Variants in MYO5A observed in about 807,000 individuals in gnomAD.
MYO5A encodes the protein myosin VA, also known as unconventional myosin-Va.
In MYO5A, 98 loss-of-function variants were observed where a neutral mutation model predicts 249.7. That is an observed-to-expected ratio of 0.39 (90% CI 0.33 to 0.46). The LOEUF (loss-of-function observed/expected upper bound fraction) is 0.46, where lower values mean the gene tolerates loss of function less well. Among genes scored for constraint, MYO5A ranks in the 20% least tolerant of loss-of-function variants. The pLI, the probability that MYO5A is intolerant of heterozygous loss-of-function variation, is 0.98. For synonymous variants in MYO5A, 778 were observed against 810.6 expected (o/e 0.96, Z 0.68); for missense variants, 1,696 against 2,308.8 (o/e 0.73, Z 5.44).
chr15:52,330,563 A>G (rs746031774), intron 34 of MYO5A, 64 bp from the exon 35 acceptor site: 95 of 1,586,296 alleles, frequency 6.0e-5, no homozygotes, highest in Non-Finnish European at 7.9e-5. Context: ...GAGGTCTCCA[A>G]GTTCCTATAA....
intron 22 of MYO5A, among the ~76,000 whole-genome samples, chr15:52,369,360 C>T (rs183769392): frequency 7.2e-5 from 11 of 152,272 alleles, no homozygotes; most frequent in African/African-American, 2.6e-4. Context: ...CTCTGAAAAT[C>T]GATTACTTTT....
intron 6 of MYO5A, among the ~76,000 whole-genome samples, chr15:52,409,337 T>A (rs186734179): frequency 3.9e-4 from 59 of 152,256 alleles, no homozygotes; most frequent in African/African-American, 1.4e-3. Context: ...CTTCTGGTTA[T>A]CAAAGTAGAC....
intron 1 of MYO5A, among the ~76,000 whole-genome samples, chr15:52,459,745 C>T (rs1034737608): frequency 1.3e-5 from 2 of 151,634 alleles, no homozygotes; most frequent in African/African-American, 2.4e-5. Context: ...AAGGGGCTGC[C>T]GGGCAGAGGG....
At chr15:52,498,161 ATTAT>A (rs985053689) in intron 1 of MYO5A, among the ~76,000 whole-genome samples, 33 of 152,298 alleles carry the variant, frequency 2.2e-4, no homozygotes, top group African/African-American at 7.0e-4. Flanking sequence ...CCAAAAATTA[ATTAT>A]TTAAGAAGAC....
intron 5 of MYO5A, among the ~76,000 whole-genome samples, chr15:52,411,233 T>C (rs897861886): frequency 1.3e-5 from 2 of 152,240 alleles, no homozygotes; most frequent in Non-Finnish European, 2.9e-5. Flanking sequence ...AATGCTGCTC[T>C]GGTGTTCAGG....
At chr15:52,357,224 T>G (rs1167492895) in intron 25 of MYO5A, among the ~76,000 whole-genome samples, 1 of 152,132 alleles carries the variant, frequency 6.6e-6, no homozygotes, top group African/African-American at 2.4e-5. Flanking sequence ...ATTATATATT[T>G]TAATGTTTGT....
intron 9 of MYO5A, 21 bp from the exon 10 acceptor site, chr15:52,397,487 A>G (rs767489423): frequency 5.6e-6 from 9 of 1,611,878 alleles, no homozygotes; most frequent in Non-Finnish European, 7.6e-6. Context: ...ATAATGAGTT[A>G]TTTCCTATGA....
Position 52,317,054 on chromosome 15 carries a change from A to C in MYO5A, c.5403T>G (p.Thr1801=). The C allele has an allele frequency of 6.2e-7, 1 of 1,613,858 alleles. No individual in the cohort carries two copies. The highest frequency in any genetic ancestry group is 8.5e-7 in the Non-Finnish European group (1 of 1,179,736). Reference sequence around the variant, plus strand: ...ACAGGGAAAGTTGCTCTACCTGGGCAGTAGTTAAAGCATTGCACATAGAAC... The same window carrying C: ...ACAGGGAAAGTTGCTCTACCTGGGCCGTAGTTAAAGCATTGCACATAGAAC... The part of the protein sequence containing the change: ...AICSMCNALT[T]AQIVKVLNLY... Residue 1801 remains threonine, a synonymous_variant, in exon 40 of 42, where the codon ACT becomes ACG. Transcript: ENST00000399233.
chr15:52,459,755 G>T (rs2076201158), intron 1 of MYO5A, among the ~76,000 whole-genome samples: 1 of 150,126 alleles, frequency 6.7e-6, no homozygotes, highest in Admixed American at 6.6e-5. Flanking sequence ...CGGGCAGAGG[G>T]GCCCCCCACC....
rs1005850387 is a variant in MYO5A, at chr15:52,340,328, C to T, written c.4107G>A (p.Gly1369=). 4 of 1,613,980 alleles carry T rather than the reference C, an allele frequency of 2.5e-6. No individual in the cohort carries two copies. In the Admixed American group the frequency reaches 6.7e-5, roughly 27 times the overall value. ...TCTCCTCCTTCAGGCTCTGGATCTCCCCACGGAGGGCCTCGGCCTCATTCT... is the reference window on the plus strand; with the variant it reads ...TCTCCTCCTTCAGGCTCTGGATCTCTCCACGGAGGGCCTCGGCCTCATTCT... ...SHENEAEALR[G]EIQSLKEENN... The change falls in exon 32 of 42, where the codon GGG becomes GGA. Residue 1369 remains glycine, a synonymous_variant. Transcript: ENST00000399233.
rs148735188 is a variant in MYO5A, at chr15:52,514,056, T to G, written c.27+14724A>C. Among the ~76,000 whole-genome samples, 269 of 152,346 alleles carry G rather than the reference T, an allele frequency of 1.8e-3. 1 individual carries two copies. The Middle Eastern group carries it at 0.027, about 15-fold the overall frequency. On this transcript the variant is annotated intron_variant, in intron 1 of 41. Transcript: ENST00000399233. The stretch of plus-strand genomic sequence containing the variant: ...AGAGGGGAAGCACATGAAGAGTTAC[T>G]GATAAATAAATAAGATGATTTGAAT...
At chr15:52,400,956 T>TTAGA (rs2042726093) in intron 9 of MYO5A, among the ~76,000 whole-genome samples, 1 of 152,234 alleles carries the variant, frequency 6.6e-6, no homozygotes, top group Non-Finnish European at 1.5e-5. Context: ...CTTAGTTCAT[T>TTAGA]TCTTCTTGCA....
intron 4 of MYO5A, among the ~76,000 whole-genome samples, chr15:52,418,359 T>C (rs1259484772): frequency 6.6e-6 from 1 of 152,092 alleles, no homozygotes; most frequent in Non-Finnish European, 1.5e-5. Flanking sequence ...AACAAACACA[T>C]AATAAGCAGC....
chr15:52,404,232 A>G (rs1724618), intron 9 of MYO5A, among the ~76,000 whole-genome samples: 134,477 of 147,386 alleles, frequency 0.91, 62,480 homozygotes, highest in Non-Finnish European at 1. Flanking sequence ...ATGCCTTTGC[A>G]CTCCAGCCTG....
chr15:52,504,193 C>T (rs1450181626), intron 1 of MYO5A, among the ~76,000 whole-genome samples: 2 of 151,928 alleles, frequency 1.3e-5, no homozygotes, highest in Non-Finnish European at 2.9e-5. Flanking sequence ...TTTCTACACA[C>T]TCATCCTTTA....
intron 10 of MYO5A, 65 bp downstream of exon 10, chr15:52,397,136 A>G: frequency 1.3e-6 from 2 of 1,569,436 alleles, no homozygotes; most frequent in Non-Finnish European, 1.7e-6. Context: ...ATGCCCACTT[A>G]GAGTTACTAG....
intron 1 of MYO5A, among the ~76,000 whole-genome samples, chr15:52,494,036 C>T (rs11070900): frequency 0.15 from 22,440 of 152,130 alleles, 1,781 homozygotes; most frequent in Middle Eastern, 0.22. Context: ...CTCCAACACC[C>T]CACAATCTGA....
At chr15:52,386,152 AC>A (rs2041963535) in intron 14 of MYO5A, among the ~76,000 whole-genome samples, 1 of 152,106 alleles carries the variant, frequency 6.6e-6, no homozygotes, top group Non-Finnish European at 1.5e-5. Flanking sequence ...CCCCATCTCA[AC>A]AAAAAATTAG....
intron 34 of MYO5A, among the ~76,000 whole-genome samples, chr15:52,335,668 T>C (rs1465717242): frequency 6.6e-6 from 1 of 152,016 alleles, no homozygotes; most frequent in Non-Finnish European, 1.5e-5. Context: ...ACAACTGATA[T>C]TTGGTTATTT....
Sources: gnomAD v4.1 joint callset for allele counts (sites outside exome capture counted in the v4.1 genomes callset) on GRCh38, gnomAD v4.1.1 for gene constraint, MANE v1.5 for transcripts, NCBI Gene and HGNC (gene_info 2026-07-23, HGNC 2026-07-21) for gene names.